TAFA2: variants seen among roughly 807,000 people sequenced by gnomAD.
TAFA2 encodes the protein TAFA chemokine like family member 2.
In TAFA2, 7 loss-of-function variants were observed where a neutral mutation model predicts 18.8. The ratio of observed to expected loss-of-function variants is 0.37; its 90% CI spans 0.21 to 0.70. The LOEUF is 0.70. TAFA2 is among the 30% of genes least tolerant of loss of function. The probability of loss-of-function intolerance (pLI) is 0.53; values close to 1 mark genes in which losing one functional copy is unlikely to be tolerated. For synonymous variants in TAFA2, 60 were observed against 54.2 expected (o/e 1.11, Z -0.47); for missense variants, 122 against 158.1 (o/e 0.77, Z 1.23).
At chr12:62,243,272 A>G (rs377225730) in intron 1 of TAFA2, among the ~76,000 whole-genome samples, 1 of 152,228 alleles carries the variant, frequency 6.6e-6, no homozygotes, top group South Asian at 2.1e-4. Context: ...GAAGCATGGC[A>G]GGAAAATGCT....
intron 1 of TAFA2, among the ~76,000 whole-genome samples, chr12:61,874,876 A>G (rs1432048461): frequency 1.3e-5 from 2 of 152,150 alleles, no homozygotes; most frequent in Non-Finnish European, 2.9e-5. Flanking sequence ...TTCTGTCTAT[A>G]AAATGGGAAT....
At position 62,169,499 on chromosome 12, in the gene TAFA2, T is replaced by C. The variant is rs80198940; in HGVS notation, c.-2+21760A>G. On this transcript the variant is annotated intron_variant, in intron 1 of 4. Transcript: ENST00000416284. ...TTTTGTAAGTGTTTATTGGTTATAA[T>C]AATTCGTAAAGCCACCTAGAAGAGG... Among the ~76,000 whole-genome samples, 85 of 152,298 alleles carry C rather than the reference T, an allele frequency of 5.6e-4. 1 individual carries two copies. In the East Asian group the frequency reaches 0.013, roughly 24 times the overall value.
chr12:62,252,660 A>C (rs1015742151), intron 1 of TAFA2: 1 of 152,184 alleles, frequency 6.6e-6, no homozygotes, highest in Non-Finnish European at 1.5e-5. Flanking sequence ...ATTGTATCTA[A>C]GGTGGTGCTT....
At chr12:61,942,462 TGACGAGCTGAGAGAAGAAGGCTTCA>T (rs1231968165) in intron 1 of TAFA2, among the ~76,000 whole-genome samples, 4 of 149,966 alleles carry the variant, frequency 2.7e-5, no homozygotes, top group African/African-American at 9.8e-5. Context: ...AGAATGATTT[TGACGAGCTGAGAGAAGAAGGCTTCA>T]GACGATCAAA....
chr12:62,230,647 A>G (rs868404590), intron 1 of TAFA2, among the ~76,000 whole-genome samples: 1 of 151,942 alleles, frequency 6.6e-6, no homozygotes, highest in African/African-American at 2.4e-5. Context: ...TATTCTAAAG[A>G]ATGTTTTTGG....
chr12:62,050,528 T>C (rs1387605732), intron 1 of TAFA2, among the ~76,000 whole-genome samples: 1 of 151,082 alleles, frequency 6.6e-6, no homozygotes, highest in Non-Finnish European at 1.5e-5. Flanking sequence ...GCCGAGATAG[T>C]GCCACTGCAC....
At chr12:61,840,010 C>A (rs774108458) in intron 2 of TAFA2, among the ~76,000 whole-genome samples, 2 of 152,014 alleles carry the variant, frequency 1.3e-5, no homozygotes, top group African/African-American at 4.8e-5. Flanking sequence ...TCTGGAGCCA[C>A]GAGAGTGTAC....
In TAFA2 at chr12:61,756,391, G is replaced by A. The variant is rs184050116; in HGVS notation, c.107-1367C>T. ...GGCAGACTTCTGTCCCTATCTTCTC[G>A]TGCTCTGGGTGAATATTTTCTTAGC... On this transcript the variant is annotated intron_variant, in intron 2 of 4. Coordinates refer to ENST00000416284, the MANE Select transcript of TAFA2 (RefSeq NM_178539.5). Among the ~76,000 whole-genome samples the A allele has an allele frequency of 2.0e-3, 302 of 152,110 alleles. 1 individual carries two copies. Among genetic ancestry groups the A allele is most frequent in the Non-Finnish European group, 2.6e-3 (176 of 67,960 alleles).
At chr12:62,174,394 G>A (rs929712152) in intron 1 of TAFA2, among the ~76,000 whole-genome samples, 10 of 152,176 alleles carry the variant, frequency 6.6e-5, no homozygotes, top group African/African-American at 2.4e-4. Flanking sequence ...AATATTTCAA[G>A]GAAAGGCTGA....
intron 1 of TAFA2, among the ~76,000 whole-genome samples, chr12:62,159,137 C>T (rs991656221): frequency 3.3e-5 from 5 of 152,178 alleles, no homozygotes; most frequent in African/African-American, 1.2e-4. Context: ...TCTTCTGTTT[C>T]TGTAAATGCG....
In TAFA2 at chr12:62,037,817, G is replaced by A. The variant is rs17125712; in HGVS notation, c.-2+153442C>T. ...AAGTCACAACATAAATTATTTTACC[G>A]CCTGACAGATGATTTAACAGTCTCC... On this transcript the variant is annotated intron_variant, in intron 1 of 4. Coordinates refer to ENST00000416284, the MANE Select transcript of TAFA2 (RefSeq NM_178539.5). Among the ~76,000 whole-genome samples the A allele has an allele frequency of 2.8e-3, 421 of 152,146 alleles. 11 individuals carry two copies. In the East Asian group the frequency reaches 0.043, roughly 16 times the overall value.
chr12:62,060,883 A>G (rs77108967), intron 1 of TAFA2, among the ~76,000 whole-genome samples: 3,176 of 152,222 alleles, frequency 0.021, 76 homozygotes, highest in African/African-American at 0.049. Context: ...AGAACATCCC[A>G]TGTACCCCAT....
At chr12:62,217,163 A>C (rs967430354) in intron 1 of TAFA2, among the ~76,000 whole-genome samples, 1 of 152,230 alleles carries the variant, frequency 6.6e-6, no homozygotes, top group Non-Finnish European at 1.5e-5. Flanking sequence ...GATAGCATGA[A>C]AGGCTACAAG....
chr12:61,975,033 T>A (rs936920805), intron 1 of TAFA2, among the ~76,000 whole-genome samples: 1 of 151,452 alleles, frequency 6.6e-6, no homozygotes, highest in Admixed American at 6.6e-5. Context: ...AGATTTTTTT[T>A]TAACTGTATA....
At chr12:61,766,115 G>A (rs12582228) in intron 2 of TAFA2, among the ~76,000 whole-genome samples, 1 of 152,026 alleles carries the variant, frequency 6.6e-6, no homozygotes, top group African/African-American at 2.4e-5. Context: ...AACCACAAGA[G>A]CCTGTGACTT....
At chr12:62,015,230 T>A (rs1010327898) in intron 1 of TAFA2, among the ~76,000 whole-genome samples, 14 of 152,344 alleles carry the variant, frequency 9.2e-5, no homozygotes, top group African/African-American at 3.4e-4. Context: ...ATAGCTTGGG[T>A]TCTTCACTAA....
chr12:61,803,090 G>A (rs933240934), intron 2 of TAFA2, among the ~76,000 whole-genome samples: 2 of 151,862 alleles, frequency 1.3e-5, no homozygotes, highest in Non-Finnish European at 2.9e-5. Flanking sequence ...AACAAAATAG[G>A]TGTTTAATAT....
chr12:62,229,602 T>C (rs1224331031), intron 1 of TAFA2, among the ~76,000 whole-genome samples: 1 of 152,118 alleles, frequency 6.6e-6, no homozygotes, highest in Non-Finnish European at 1.5e-5. Context: ...TGTGCTATTG[T>C]ATTTGGTTGC....
At chr12:62,089,953 C>T (rs1444088737) in intron 1 of TAFA2, among the ~76,000 whole-genome samples, 1 of 152,026 alleles carries the variant, frequency 6.6e-6, no homozygotes, top group East Asian at 1.9e-4. Context: ...ATTATTGTAT[C>T]CTGGACTCTA....
Sources: allele counts gnomAD v4.1 joint callset (sites outside exome capture counted in the v4.1 genomes callset), GRCh38; gene constraint gnomAD v4.1.1; transcripts MANE v1.5; gene names NCBI Gene and HGNC (gene_info 2026-07-23, HGNC 2026-07-21).